The following KDM1A variants were observed in gnomAD, a reference collection of about 807,000 sequenced individuals.
KDM1A encodes the protein lysine-specific histone demethylase 1A.
A neutral mutation model predicts 109.4 loss-of-function variants in KDM1A; 49 were observed. The observed-to-expected ratio is 0.45, with a 90% CI of 0.36 to 0.57. KDM1A has a LOEUF of 0.57. Ranked by LOEUF, KDM1A falls within the 20% of genes least tolerant of loss-of-function variation. KDM1A has a pLI of 0.00. For missense variants in KDM1A, 668 were observed against 1,116.6 expected (o/e 0.60, Z 5.73); for synonymous variants, 380 against 415.4 (o/e 0.91, Z 1.04).
In KDM1A at chr1:23,083,350, T is replaced by C. The variant is rs1557608383; in HGVS notation, c.2617T>C (p.Ser873Pro). 6.2e-7 allele frequency: 1 copy of C among 1,612,492 alleles called. No homozygotes were observed. Residue 873 changes from serine to proline, a missense_variant, in exon 21 of 21, where the codon TCC (serine) becomes CCC (proline). By Grantham distance (74) the Ser-to-Pro change is moderately conservative. Around this residue, in one of 8 missense-constraint regions of KDM1A, gnomAD observed 69 missense variants for 99.6 expected, o/e 0.69. Coordinates refer to ENST00000400181, the MANE Select transcript of KDM1A (RefSeq NM_001009999.3). ...QATPGVPAQQ[S>P]PSM Reference sequence around the variant, plus strand: ...CACACCAGGTGTTCCTGCACAGCAGTCCCCAAGCATGTGAGACAGATGCAT... The same window carrying C: ...CACACCAGGTGTTCCTGCACAGCAGCCCCCAAGCATGTGAGACAGATGCAT...
At chr1:23,030,830 C>T (rs528432089) in intron 2 of KDM1A, among the ~76,000 whole-genome samples, 196 bp downstream of exon 2, 41 of 151,850 alleles carry the variant, frequency 2.7e-4, no homozygotes, top group African/African-American at 9.4e-4. Flanking sequence ...CACATAGATA[C>T]GTACATACTG....
chr1:23,079,489 A>G lies in KDM1A; in HGVS notation c.2056-64A>G, dbSNP rs1346417175. 1.7e-6 allele frequency: 2 copies of G among 1,168,918 alleles called. No individual in the cohort carries two copies. The highest frequency in any genetic ancestry group is 2.5e-6 in the Non-Finnish European group (2 of 796,698). The allele number at this position is 1,168,918 out of a possible 1,614,324, so 72.4% of individuals were successfully genotyped here. A position where few individuals can be genotyped will look rare whatever the true frequency, so the allele number is the denominator to read the frequency against. On this transcript the variant is annotated intron_variant, in intron 17 of 20. Transcript: ENST00000400181. This position sits in a 1 kb window ranked among gnomAD's most constrained non-coding sequence, Gnocchi z 5.6. ...AGCAGATTAGAAGAGACTTTAAGGA[A>G]GTCTGTTGAAGCCAGTATTATCTGG...
chr1:23,073,945 G>A (rs1012813654), intron 15 of KDM1A, among the ~76,000 whole-genome samples: 2 of 152,140 alleles, frequency 1.3e-5, no homozygotes, highest in African/African-American at 2.4e-5. Flanking sequence ...GCTAATGAAC[G>A]AAGCTGCTTA....
At chr1:23,021,730 T>C (rs1641637098) in intron 1 of KDM1A, among the ~76,000 whole-genome samples, 1 of 152,186 alleles carries the variant, frequency 6.6e-6, no homozygotes, top group Non-Finnish European at 1.5e-5. Context: ...TTTTAAAATG[T>C]ATGATTCAGT....
In KDM1A at chr1:23,019,526, C is replaced by G; in HGVS notation, c.-71C>G. 1 of 1,329,010 alleles carries G rather than the reference C, an allele frequency of 7.5e-7. No homozygotes were observed. Among genetic ancestry groups the G allele is most frequent in the South Asian group, 2.2e-5 (1 of 44,452 alleles). The allele number at this position is 1,329,010 out of a possible 1,614,324, so 82.3% of individuals were successfully genotyped here. A position where few individuals can be genotyped will look rare whatever the true frequency, so the allele number is the denominator to read the frequency against. On this transcript the variant is annotated 5_prime_UTR_variant, in exon 1 of 21. Transcript: ENST00000400181. ...GCGGGCAGCGTGAAGCGAGGCGAGG[C>G]AAGGCTTTTCGGACCCACGGAGCGA... is the stretch of plus-strand genomic sequence containing the variant.
chr1:23,034,453 A>T (rs550338517), intron 2 of KDM1A, among the ~76,000 whole-genome samples: 1 of 152,268 alleles, frequency 6.6e-6, no homozygotes, highest in Admixed American at 6.5e-5. Flanking sequence ...ATTTAGAATA[A>T]TTGTCCCCCA....
At chr1:23,080,172 C>T (rs928865827) in intron 18 of KDM1A, among the ~76,000 whole-genome samples, 1 of 152,210 alleles carries the variant, frequency 6.6e-6, no homozygotes, top group African/African-American at 2.4e-5. Context: ...TTGGCCTTGT[C>T]AGTGCAGACA....
At chr1:23,033,954 A>G (rs1642068044) in intron 2 of KDM1A, among the ~76,000 whole-genome samples, 1 of 152,262 alleles carries the variant, frequency 6.6e-6, no homozygotes, top group Non-Finnish European at 1.5e-5. Context: ...CTATTGGTCA[A>G]TGGAAAAATG....
chr1:23,058,978 G>A lies in KDM1A; in HGVS notation c.1073-95G>A, dbSNP rs1014866937. 13 of 691,188 alleles carry A rather than the reference G, an allele frequency of 1.9e-5. No homozygotes were observed. The African/African-American group carries it at 2.0e-4, about 11-fold the overall frequency. 42.8% of individuals were successfully genotyped at this position (691,188 alleles called of 1,614,324 possible). On this transcript the variant is annotated intron_variant, in intron 8 of 20. Coordinates refer to ENST00000400181, the MANE Select transcript of KDM1A (RefSeq NM_001009999.3). ...ATAATTACATACTGTAAGCTTTTGA[G>A]CTTTTTATATTTTGAGTAAAAATAT...
chr1:23,046,516 G>A (rs1162088679), intron 3 of KDM1A, among the ~76,000 whole-genome samples: 2 of 151,922 alleles, frequency 1.3e-5, no homozygotes, highest in African/African-American at 4.8e-5. Context: ...TCTTTTCTTT[G>A]TTAATTTTTA....
At chr1:23,025,697 C>T (rs1448660893) in intron 1 of KDM1A, among the ~76,000 whole-genome samples, 1 of 152,008 alleles carries the variant, frequency 6.6e-6, no homozygotes, top group Non-Finnish European at 1.5e-5. Flanking sequence ...GAATATATGG[C>T]ATTGGATTAA....
chr1:23,058,458 A>G (rs1642902935), intron 8 of KDM1A, among the ~76,000 whole-genome samples: 1 of 152,194 alleles, frequency 6.6e-6, no homozygotes, highest in Non-Finnish European at 1.5e-5. Context: ...AATACGTTTC[A>G]TGGCTTTAGA....
At chr1:23,069,245 A>G (rs375532513) in intron 12 of KDM1A, 94 bp downstream of exon 12, 6 of 726,710 alleles carry the variant, frequency 8.3e-6, no homozygotes, top group African/African-American at 5.4e-5. Context: ...TTTTTCCTCC[A>G]TGGAAGAGAA....
At chr1:23,075,428 G>C (rs920694660) in intron 15 of KDM1A, among the ~76,000 whole-genome samples, 1 of 151,496 alleles carries the variant, frequency 6.6e-6, no homozygotes, top group Non-Finnish European at 1.5e-5. Context: ...AAAATTAGCC[G>C]GGCATGGTGG....
Position 23,030,555 on chromosome 1 carries a change from G to C in KDM1A, c.438G>C (p.Glu146Asp), listed in dbSNP as rs112725574. 1 of 1,612,402 alleles carries C rather than the reference G, an allele frequency of 6.2e-7. No homozygotes were observed. Among genetic ancestry groups the C allele is most frequent in the African/African-American group, 1.3e-5 (1 of 74,886 alleles). Residue 146 changes from glutamate to aspartate, a missense_variant, in exon 2 of 21, where the codon GAG becomes GAC. Physicochemically the swap from Glu to Asp is conservative, Grantham distance 45. Coordinates refer to ENST00000400181, the MANE Select transcript of KDM1A (RefSeq NM_001009999.3). ...YSEEERNAKA[E>D]KEKKLPPPPP... The stretch of plus-strand genomic sequence containing the variant: ...AAGAAGAGAGAAATGCCAAAGCAGA[G>C]AAGGAAAAGAAGCTTCCCCCACCAC...
chr1:23,083,415 A>C lies in KDM1A; in HGVS notation c.*51A>C. ...CCCATGTGCCTGTTTCTGCCATGTA[A>C]GGAAGGCTCTTCTAGCAATACTAGA... On this transcript the variant is annotated 3_prime_UTR_variant, in exon 21 of 21. Transcript: ENST00000400181. 6.5e-7 allele frequency: 1 copy of C among 1,546,104 alleles called. No homozygotes were observed. Among genetic ancestry groups the C allele is most frequent in the Non-Finnish European group, 8.8e-7 (1 of 1,139,838 alleles).
chr1:23,081,849 C>T (rs1283905210), intron 19 of KDM1A: 1 of 454,612 alleles, frequency 2.2e-6, no homozygotes, highest in African/African-American at 2.0e-5. Context: ...GGCCAAACTC[C>T]AGTGAGTATC....
chr1:23,079,788 C>G lies in KDM1A; in HGVS notation c.2170+121C>G, dbSNP rs1643566483. On this transcript the variant is annotated intron_variant, in intron 18 of 20. Coordinates refer to ENST00000400181, the MANE Select transcript of KDM1A (RefSeq NM_001009999.3). The surrounding 1 kb of genome is among the most constrained non-coding windows in gnomAD (Gnocchi z 5.6). ...CTCTTTATTAACTCAACAAACAATT[C>G]CTGAAATACCTTCTAGGTACTGGGG... The G allele has an allele frequency of 1.8e-6, 1 of 568,408 alleles. No individual in the cohort carries two copies. Among genetic ancestry groups the G allele is most frequent in the Admixed American group, 3.4e-5 (1 of 29,012 alleles). 35.2% of individuals were successfully genotyped at this position (568,408 alleles called of 1,614,324 possible).
chr1:23,035,195 C>T (rs1482272228), intron 2 of KDM1A, among the ~76,000 whole-genome samples: 1 of 151,872 alleles, frequency 6.6e-6, no homozygotes, highest in Non-Finnish European at 1.5e-5. Flanking sequence ...GAGATGTAGG[C>T]TGTTTTTGTT....
Sources: gnomAD v4.1 joint callset for allele counts (sites outside exome capture counted in the v4.1 genomes callset) on GRCh38, gnomAD v4.1.1 for gene constraint, gnomAD v4.1.1 regional missense constraint, Gnocchi (gnomAD v3.1) non-coding constraint, MANE v1.5 for transcripts, NCBI Gene and HGNC (gene_info 2026-07-23, HGNC 2026-07-21) for gene names.